FUBP1: variants seen among roughly 807,000 people sequenced by gnomAD.
FUBP1 encodes the protein far upstream element binding protein 1, also known as far upstream element-binding protein 1.
Under a neutral mutation model 94.9 loss-of-function variants are expected in FUBP1, and 16 were observed. That is an observed-to-expected ratio of 0.17 (90% CI 0.11 to 0.26). FUBP1 has a LOEUF of 0.26. FUBP1 is among the 10% of genes least tolerant of loss of function. The probability of loss-of-function intolerance (pLI) is 1.00; values close to 1 mark genes in which losing one functional copy is unlikely to be tolerated. For missense variants in FUBP1, 583 were observed against 808.6 expected (o/e 0.72, Z 3.38); for synonymous variants, 279 against 254.9 (o/e 1.09, Z -0.90).
intron 1 of FUBP1, among the ~76,000 whole-genome samples, chr1:77,974,215 A>C (rs1235369852): frequency 6.8e-6 from 1 of 146,774 alleles, no homozygotes; most frequent in East Asian, 2.0e-4. Flanking sequence ...GGTTCACTGC[A>C]AGCTCCACCT....
chr1:77,976,104 C>T (rs1658545833), intron 1 of FUBP1, among the ~76,000 whole-genome samples: 1 of 152,194 alleles, frequency 6.6e-6, no homozygotes. Flanking sequence ...AAAACAAAAA[C>T]AGCATAGTAT....
At position 77,948,210 on chromosome 1, in the gene FUBP1, G is replaced by C; in HGVS notation, c.*556C>G. On this transcript the variant is annotated 3_prime_UTR_variant, in exon 20 of 20. Transcript: ENST00000370768. ...TGAAGATATCAGGATTACTTGTGCT[G>C]AAAGAGCCAATACAATAAATGGAAA... 3 of 1,050,834 alleles carry C rather than the reference G, an allele frequency of 2.9e-6. No homozygotes were observed. The highest frequency in any genetic ancestry group is 3.4e-6 in the Non-Finnish European group (3 of 869,822). 65.1% of individuals were successfully genotyped at this position (1,050,834 alleles called of 1,614,324 possible). A position where few individuals can be genotyped will look rare whatever the true frequency, so the allele number is the denominator to read the frequency against.
chr1:77,950,637 A>G (rs1250558267), intron 18 of FUBP1, among the ~76,000 whole-genome samples: 1 of 152,158 alleles, frequency 6.6e-6, no homozygotes, highest in East Asian at 1.9e-4. Flanking sequence ...AAAAATTGAG[A>G]AGAGAGAGTA....
At chr1:77,960,650 T>G (rs767213907) in intron 14 of FUBP1, 155 bp from the exon 15 acceptor site, 1 of 556,152 alleles carries the variant, frequency 1.8e-6, no homozygotes. Flanking sequence ...CAAAAACTAT[T>G]TCATCTGCCA....
chr1:77,960,750 A>C, intron 14 of FUBP1: 1 of 370,234 alleles, frequency 2.7e-6, no homozygotes. Context: ...TAGCAATTAA[A>C]TTTCCTTTAG....
At chr1:77,959,545 T>C (rs1200348386) in intron 16 of FUBP1, among the ~76,000 whole-genome samples, 1 of 152,170 alleles carries the variant, frequency 6.6e-6, no homozygotes, top group Non-Finnish European at 1.5e-5. Flanking sequence ...GACTGTTACA[T>C]ATATACATAA....
intron 19 of FUBP1, 36 bp from the exon 20 acceptor site, chr1:77,948,810 G>A (rs1427974645): frequency 6.2e-7 from 1 of 1,607,782 alleles, no homozygotes. Flanking sequence ...TACACAAAAA[G>A]TTAAAGAAAA....
At position 77,966,764 on chromosome 1, in the gene FUBP1, A is replaced by G. The variant is rs2102417906; in HGVS notation, c.416-13T>C. On this transcript the variant is annotated splice_polypyrimidine_tract_variant and intron_variant, in intron 6 of 19. Coordinates refer to ENST00000370768, the MANE Select transcript of FUBP1 (RefSeq NM_003902.5). ...AGGCCACCACTGTCTACAATTTAAA[A>G]CAAACAGATAACTTCAGGTCAAAAG... The G allele has an allele frequency of 6.6e-7, 1 of 1,523,820 alleles. No homozygotes were observed. Among genetic ancestry groups the G allele is most frequent in the Non-Finnish European group, 9.1e-7 (1 of 1,098,712 alleles). 94.4% of individuals were successfully genotyped at this position (1,523,820 alleles called of 1,614,324 possible). A position where few individuals can be genotyped will look rare whatever the true frequency, so the allele number is the denominator to read the frequency against.
rs187052462 is a variant in FUBP1, at chr1:77,948,180, A to G, written c.*586T>C. The G allele has an allele frequency of 9.6e-7, 1 of 1,045,046 alleles. No individual in the cohort carries two copies. Among genetic ancestry groups the G allele is most frequent in the Non-Finnish European group, 1.2e-6 (1 of 865,944 alleles). The allele number at this position is 1,045,046 out of a possible 1,614,324, so 64.7% of individuals were successfully genotyped here. ...CAGTTTTTAATCAAACAGAAGGAAA[A>G]AAAATGAAGATATCAGGATTACTTG... is the stretch of plus-strand genomic sequence containing the variant. On this transcript the variant is annotated 3_prime_UTR_variant, in exon 20 of 20. Coordinates refer to ENST00000370768, the MANE Select transcript of FUBP1 (RefSeq NM_003902.5).
chr1:77,971,608 G>GT lies in FUBP1; in HGVS notation c.121-1594dup, dbSNP rs562087884. Among the ~76,000 whole-genome samples the GT allele has an allele frequency of 4.0e-4, 61 of 151,784 alleles. 1 individual carries two copies. In the East Asian group the frequency reaches 0.011, roughly 27 times the overall value. On this transcript the variant is annotated intron_variant, in intron 1 of 19. Coordinates refer to ENST00000370768, the MANE Select transcript of FUBP1 (RefSeq NM_003902.5). ...ACATATCAGTTCCCATATACCAACT[G>GT]TATTTCCTAGGACTCATAGATTTCC...
At chr1:77,955,500 G>A in intron 17 of FUBP1, 171 bp from the exon 18 acceptor site, 2 of 548,742 alleles carry the variant, frequency 3.6e-6, no homozygotes, top group East Asian at 6.2e-5. Context: ...GAAGGTACTG[G>A]GGGTACAGAG....
Position 77,944,149 on chromosome 1 carries a change from A to T in FUBP1, c.*4617T>A, listed in dbSNP as rs1486996356. On this transcript the variant is annotated 3_prime_UTR_variant, in exon 20 of 20. Coordinates refer to ENST00000370768, the MANE Select transcript of FUBP1 (RefSeq NM_003902.5). ...TTTACATACAATGTCATTAAAGCAA[A>T]CTCTAAACCACAGTTGTAAAGTATT... The T allele has an allele frequency of 5.2e-6, 1 of 193,470 alleles. No individual in the cohort carries two copies. The highest frequency in any genetic ancestry group is 1.1e-5 in the Non-Finnish European group (1 of 92,584). 12.0% of individuals were successfully genotyped at this position (193,470 alleles called of 1,614,324 possible).
intron 10 of FUBP1, 118 bp from the exon 11 acceptor site, chr1:77,964,474 T>C (rs1656100724): frequency 1.5e-6 from 1 of 684,492 alleles, no homozygotes; most frequent in East Asian, 2.7e-5. Flanking sequence ...AAAGTACATA[T>C]AATTCTATAT....
chr1:77,966,519 A>C (rs1656527258), intron 7 of FUBP1, among the ~76,000 whole-genome samples, 175 bp downstream of exon 7: 1 of 152,194 alleles, frequency 6.6e-6, no homozygotes, highest in South Asian at 2.1e-4. Context: ...GATTCAGATG[A>C]TGAACCCCAC....
At chr1:77,960,960 A>G (rs373910198) in intron 14 of FUBP1, among the ~76,000 whole-genome samples, 1 of 152,186 alleles carries the variant, frequency 6.6e-6, no homozygotes, top group South Asian at 2.1e-4. Flanking sequence ...CATTTCACTG[A>G]TAACGTTAAT....
chr1:77,956,485 A>G, intron 17 of FUBP1, 87 bp downstream of exon 17: 1 of 687,708 alleles, frequency 1.5e-6, no homozygotes, highest in Non-Finnish European at 2.3e-6. Flanking sequence ...ATAATGTCAG[A>G]AATTTTAGGT....
chr1:77,969,935 TA>T lies in FUBP1; in HGVS notation c.200del (p.Leu67Ter), dbSNP rs2102453830. ...DYGYGGQKRP[L>X]EDGDQPDAKK... is the part of the protein sequence containing the mutation. ...TAGAGTATAACTTACCTCCATCTTCTAAAGGTCTTTTTTGTCCCCCATAACC... is the reference window on the plus strand; with the variant it reads ...TAGAGTATAACTTACCTCCATCTTCTAAGGTCTTTTTTGTCCCCCATAACC... On this transcript the variant is annotated frameshift_variant, in exon 2 of 20. Coordinates refer to ENST00000370768, the MANE Select transcript of FUBP1 (RefSeq NM_003902.5). LOFTEE classifies it high-confidence loss of function. The T allele has an allele frequency of 2.0e-6, 3 of 1,509,798 alleles. No homozygotes were observed. Among genetic ancestry groups the T allele is most frequent in the Admixed American group, 1.7e-5 (1 of 58,036 alleles). The allele number at this position is 1,509,798 out of a possible 1,614,324, so 93.5% of individuals were successfully genotyped here.
At chr1:77,978,295 C>T (rs1368272096) in intron 1 of FUBP1, among the ~76,000 whole-genome samples, 1 of 152,164 alleles carries the variant, frequency 6.6e-6, no homozygotes, top group African/African-American at 2.4e-5. Context: ...GTATAATGGG[C>T]CTGAGGCCAT....
intron 1 of FUBP1, among the ~76,000 whole-genome samples, chr1:77,975,512 G>A (rs1658431687): frequency 6.6e-6 from 1 of 152,172 alleles, no homozygotes; most frequent in Non-Finnish European, 1.5e-5. Context: ...GAGACTGCAA[G>A]AAGGATCGAA....
Sources: allele counts gnomAD v4.1 joint callset (sites outside exome capture counted in the v4.1 genomes callset), GRCh38; gene constraint gnomAD v4.1.1; transcripts MANE v1.5; gene names NCBI Gene and HGNC (gene_info 2026-07-23, HGNC 2026-07-21).